Variants in CLVS1 observed in about 807,000 individuals in gnomAD.
The protein encoded by CLVS1 is clavesin-1.
A neutral mutation model predicts 33.1 loss-of-function variants in CLVS1; 10 were observed. That is an observed-to-expected ratio of 0.30 (90% CI 0.19 to 0.51). The LOEUF is 0.51. Ranked by LOEUF, CLVS1 falls within the 20% of genes least tolerant of loss-of-function variation. The pLI, the probability that CLVS1 is intolerant of heterozygous loss-of-function variation, is 0.97. For missense variants in CLVS1, 343 were observed against 433.4 expected, an observed-to-expected ratio of 0.79 and a Z score of 1.85; for synonymous variants, 163 against 166.1, an observed-to-expected ratio of 0.98 and a Z score of 0.14.
intron 2 of CLVS1, among the ~76,000 whole-genome samples, chr8:61,254,476 G>A (rs2129591890): frequency 6.6e-6 from 1 of 152,306 alleles, no homozygotes; most frequent in East Asian, 1.9e-4. Flanking sequence ...AGTCTGCAGA[G>A]GTTTCTGCTG....
At chr8:61,085,985 G>A (rs1294930844) in intron 1 of CLVS1, among the ~76,000 whole-genome samples, 2 of 132,618 alleles carry the variant, frequency 1.5e-5, no homozygotes, top group Admixed American at 8.6e-5. Flanking sequence ...GCAGTGAGCC[G>A]AGATCACGCC....
chr8:61,483,463 C>G (rs1284828667), intron 5 of CLVS1, among the ~76,000 whole-genome samples: 1 of 152,032 alleles, frequency 6.6e-6, no homozygotes, highest in Non-Finnish European at 1.5e-5. Flanking sequence ...GCCTACCAAC[C>G]AAAAAAAGTC....
At chr8:61,344,767 AT>A (rs903875484) in intron 2 of CLVS1, among the ~76,000 whole-genome samples, 1 of 151,370 alleles carries the variant, frequency 6.6e-6, no homozygotes, top group African/African-American at 2.4e-5. Flanking sequence ...AGCTAATTTT[AT>A]TTTTTTTCTT....
chr8:61,116,275 C>T (rs1805722082), intron 1 of CLVS1, among the ~76,000 whole-genome samples: 1 of 151,876 alleles, frequency 6.6e-6, no homozygotes, highest in South Asian at 2.1e-4. Flanking sequence ...TGGATATTAG[C>T]CCTTTGTCAG....
At chr8:61,044,820 G>A in the CLVS1 span, among the ~76,000 whole-genome samples, 29,736 of 152,166 alleles carry the variant, frequency 0.2, 3,958 homozygotes, top group African/African-American at 0.38. Context: ...GGGTTCTGGG[G>A]AAGTGACTCA....
intron 5 of CLVS1, among the ~76,000 whole-genome samples, chr8:61,478,062 AT>A (rs1405899097): frequency 6.6e-6 from 1 of 152,174 alleles, no homozygotes; most frequent in Admixed American, 6.5e-5. Context: ...TTCTGCCTTC[AT>A]TTCGTTATGT....
the CLVS1 span, among the ~76,000 whole-genome samples, chr8:60,971,768 T>A: frequency 1.5e-3 from 233 of 152,288 alleles, no homozygotes; most frequent in Middle Eastern, 6.8e-3. Flanking sequence ...GGTAATACCT[T>A]GGCTGCCAGC....
intron 5 of CLVS1, among the ~76,000 whole-genome samples, chr8:61,475,360 G>A (rs914674338): frequency 6.6e-6 from 1 of 152,162 alleles, no homozygotes; most frequent in African/African-American, 2.4e-5. Flanking sequence ...AGATCCCTGA[G>A]GAATCGCCAC....
intron 1 of CLVS1, among the ~76,000 whole-genome samples, chr8:61,089,173 GTAA>G (rs1254234628): frequency 6.6e-6 from 1 of 152,094 alleles, no homozygotes; most frequent in African/African-American, 2.4e-5. Context: ...TTGCATTTTT[GTAA>G]TGGCTAATAA....
At chr8:61,137,550 A>G (rs1037044735) in intron 2 of CLVS1, among the ~76,000 whole-genome samples, 1 of 152,144 alleles carries the variant, frequency 6.6e-6, no homozygotes, top group Non-Finnish European at 1.5e-5. Context: ...TAAGCCATCT[A>G]TTATACTTCC....
At chr8:61,127,256 C>T (rs1805994148) in intron 1 of CLVS1, among the ~76,000 whole-genome samples, 1 of 151,404 alleles carries the variant, frequency 6.6e-6, no homozygotes, top group Admixed American at 6.6e-5. Context: ...CTCTTGTTGC[C>T]CAGGCTGGAG....
At chr8:61,033,894 A>T in the CLVS1 span, among the ~76,000 whole-genome samples, 3 of 152,232 alleles carry the variant, frequency 2.0e-5, no homozygotes, top group African/African-American at 7.2e-5. Context: ...TCTGGAATGG[A>T]CAATAACACC....
chr8:61,069,246 G>A (rs1804744441), intron 1 of CLVS1, among the ~76,000 whole-genome samples: 2 of 152,192 alleles, frequency 1.3e-5, no homozygotes, highest in South Asian at 4.1e-4. Flanking sequence ...GGGATTACAG[G>A]CATGAGCCAC....
chr8:61,182,941 A>G (rs1807268761), intron 2 of CLVS1, among the ~76,000 whole-genome samples: 1 of 152,234 alleles, frequency 6.6e-6, no homozygotes, highest in African/African-American at 2.4e-5. Flanking sequence ...TGTGGTACAT[A>G]TACACCACGA....
chr8:60,973,006 G>A, the CLVS1 span, among the ~76,000 whole-genome samples: 1 of 152,240 alleles, frequency 6.6e-6, no homozygotes, highest in African/African-American at 2.4e-5. Flanking sequence ...AATGCTGCCA[G>A]TGCTGGGGTG....
At chr8:61,024,074 A>G in the CLVS1 span, among the ~76,000 whole-genome samples, 1 of 152,242 alleles carries the variant, frequency 6.6e-6, no homozygotes, top group Non-Finnish European at 1.5e-5. Context: ...CATTCCTGTT[A>G]GACGAGGACA....
chr8:61,176,932 T>G (rs1371437222), intron 2 of CLVS1, among the ~76,000 whole-genome samples: 2 of 152,166 alleles, frequency 1.3e-5, no homozygotes, highest in Non-Finnish European at 2.9e-5. Context: ...TCTGCCTAAG[T>G]CTGCTGAGTT....
the CLVS1 span, chr8:60,965,198 T>G: frequency 1.3e-5 from 2 of 152,088 alleles, no homozygotes; most frequent in Non-Finnish European, 2.9e-5. Flanking sequence ...GCCTATTAGT[T>G]TAGGTTTCCA....
chr8:61,231,741 A>G (rs1156933023), intron 2 of CLVS1, among the ~76,000 whole-genome samples: 2 of 152,206 alleles, frequency 1.3e-5, no homozygotes, highest in Non-Finnish European at 2.9e-5. Flanking sequence ...GAAACTGGGA[A>G]TGGGGGAGGA....
Sources: allele counts gnomAD v4.1 joint callset (sites outside exome capture counted in the v4.1 genomes callset), GRCh38; gene constraint gnomAD v4.1.1; transcripts MANE v1.5; gene names NCBI Gene and HGNC (gene_info 2026-07-23, HGNC 2026-07-21).